TNIP3: variants seen among roughly 807,000 people sequenced by gnomAD.
TNIP3 encodes the protein TNFAIP3 interacting protein 3, also known as TNFAIP3-interacting protein 3.
A neutral mutation model predicts 54.1 loss-of-function variants in TNIP3; 34 were observed. The ratio of observed to expected loss-of-function variants is 0.63; its 90% CI spans 0.48 to 0.84. The LOEUF (loss-of-function observed/expected upper bound fraction) is 0.84, where lower values mean the gene tolerates loss of function less well. Among genes scored for constraint, TNIP3 ranks in the 40% least tolerant of loss-of-function variants. The pLI is 0.00. For synonymous variants in TNIP3, 134 were observed against 136.8 expected (o/e 0.98, Z 0.14); for missense variants, 366 against 387.6 (o/e 0.94, Z 0.47).
intron 4 of TNIP3, 51 bp from the exon 5 acceptor site, chr4:121,154,730 G>T: frequency 6.6e-7 from 1 of 1,517,606 alleles, no homozygotes; most frequent in Non-Finnish European, 8.8e-7. Context: ...AGTCAAATGA[G>T]ATGATATTGT....
chr4:121,147,725 A>C (rs2148802959), intron 6 of TNIP3, among the ~76,000 whole-genome samples: 1 of 152,348 alleles, frequency 6.6e-6, no homozygotes, highest in Non-Finnish European at 1.5e-5. Flanking sequence ...ATGAAAACAA[A>C]TGAAAGGTAA....
chr4:121,147,041 A>C lies in TNIP3; in HGVS notation c.735+8T>G. ...TGCTGGCAAAGATTATTTTGTTTTG[A>C]CTTGTACCTGGGAATTCAGCCTGTT... On this transcript the variant is annotated splice_region_variant and intron_variant, in intron 7 of 10. Transcript: ENST00000057513. 1 of 1,607,602 alleles carries C rather than the reference A, an allele frequency of 6.2e-7. No individual in the cohort carries two copies. The highest frequency in any genetic ancestry group is 8.5e-7 in the Non-Finnish European group (1 of 1,177,702).
chr4:121,147,629 C>A (rs1278122278), intron 6 of TNIP3, among the ~76,000 whole-genome samples: 1 of 152,076 alleles, frequency 6.6e-6, no homozygotes, highest in Non-Finnish European at 1.5e-5. Flanking sequence ...AGTGACTAAA[C>A]TAAAAACAAA....
At chr4:121,214,188 G>A (rs1173607984) in intron 2 of TNIP3, among the ~76,000 whole-genome samples, 1 of 152,094 alleles carries the variant, frequency 6.6e-6, no homozygotes, top group Non-Finnish European at 1.5e-5. Flanking sequence ...ACTTCCCTCA[G>A]ACAAAGACAT....
intron 3 of TNIP3, 75 bp from the exon 4 acceptor site, chr4:121,157,318 A>C: frequency 6.2e-7 from 1 of 1,600,446 alleles, no homozygotes; most frequent in East Asian, 2.2e-5. Context: ...TTCCCAGGCT[A>C]TGAACTTTGG....
At chr4:121,134,139 C>T (rs1260408004) in intron 10 of TNIP3, among the ~76,000 whole-genome samples, 5 of 152,138 alleles carry the variant, frequency 3.3e-5, no homozygotes, top group African/African-American at 1.2e-4. Flanking sequence ...AGGCTTTGAT[C>T]TTCTATATTG....
At chr4:121,154,106 C>T (rs1001394937) in intron 5 of TNIP3, 1 of 189,104 alleles carries the variant, frequency 5.3e-6, no homozygotes, top group African/African-American at 2.4e-5. Context: ...CTTGAGAGAG[C>T]TATCATCTCA....
chr4:121,225,618 G>A (rs149826216), intron 1 of TNIP3, among the ~76,000 whole-genome samples: 1 of 152,308 alleles, frequency 6.6e-6, no homozygotes, highest in East Asian at 1.9e-4. Flanking sequence ...TAACAAGAAA[G>A]CAGTGTTTAG....
At chr4:121,142,867 G>T in intron 7 of TNIP3, 91 bp from the exon 8 acceptor site, 1 of 1,084,072 alleles carries the variant, frequency 9.2e-7, no homozygotes, top group South Asian at 1.4e-5. Context: ...GTCAGGCATT[G>T]ACAGCAGTAA....
intron 2 of TNIP3, among the ~76,000 whole-genome samples, chr4:121,202,594 C>A (rs1012799690): frequency 6.6e-6 from 1 of 152,178 alleles, no homozygotes; most frequent in African/African-American, 2.4e-5. Context: ...TTTAATTAAA[C>A]TAAAAAGCTT....
exon 3 of TNIP3, chr4:121,182,743 G>C (rs1475672706): frequency 6.5e-7 from 1 of 1,534,104 alleles, no homozygotes; most frequent in Non-Finnish European, 8.7e-7. Context: ...ATGAGGAGAC[G>C]CATTTCTCTC....
intron 10 of TNIP3, chr4:121,137,907 T>C (rs905484871): frequency 1.1e-5 from 5 of 455,802 alleles, no homozygotes; most frequent in African/African-American, 1.0e-4. Flanking sequence ...TGATTATGTA[T>C]ACTTGATGAG....
chr4:121,146,956 T>C, intron 7 of TNIP3, 93 bp downstream of exon 7: 7 of 1,413,446 alleles, frequency 5.0e-6, no homozygotes, highest in Non-Finnish European at 2.8e-6. Context: ...AAAAATTCAA[T>C]GTCAATTAAC....
At chr4:121,225,381 T>C (rs894573321) in intron 1 of TNIP3, among the ~76,000 whole-genome samples, 1 of 152,232 alleles carries the variant, frequency 6.6e-6, no homozygotes, top group Non-Finnish European at 1.5e-5. Context: ...ATATAATTGA[T>C]TTTTTACTCA....
intron 2 of TNIP3, among the ~76,000 whole-genome samples, chr4:121,213,505 T>C (rs1280731721): frequency 2.6e-5 from 4 of 151,876 alleles, no homozygotes; most frequent in African/African-American, 9.7e-5. Context: ...GGCGGGTGGA[T>C]CATGAGGTCA....
rs918324261 is a variant in TNIP3, at chr4:121,150,944, T to C, written c.493-725A>G. 2.6e-5 allele frequency among the ~76,000 whole-genome samples: 4 copies of C among 152,284 alleles called. No individual in the cohort carries two copies. The South Asian group carries it at 8.3e-4, about 32-fold the overall frequency. On this transcript the variant is annotated intron_variant, in intron 5 of 10. Coordinates refer to ENST00000057513, the MANE Select transcript of TNIP3 (RefSeq NM_024873.6). ...CCAGTATAAGTTGATGCTTTTAGCA[T>C]GACATGAGGAGAGGAAAGAAAGAAG...
intron 10 of TNIP3, among the ~76,000 whole-genome samples, chr4:121,133,055 T>C (rs1185076398): frequency 6.6e-6 from 1 of 152,200 alleles, no homozygotes; most frequent in African/African-American, 2.4e-5. Context: ...TATATGGTAC[T>C]GGGTACATTA....
intron 2 of TNIP3, among the ~76,000 whole-genome samples, chr4:121,199,907 T>C (rs1028148593): frequency 1.3e-5 from 2 of 152,206 alleles, no homozygotes; most frequent in African/African-American, 4.8e-5. Flanking sequence ...GCCCATTCTC[T>C]ACTTGCCCAG....
At chr4:121,198,334 A>G (rs142331666) in intron 2 of TNIP3, among the ~76,000 whole-genome samples, 1 of 152,312 alleles carries the variant, frequency 6.6e-6, no homozygotes, top group East Asian at 1.9e-4. Flanking sequence ...AAAATAACCC[A>G]AAACATATGG....
Sources: allele counts gnomAD v4.1 joint callset (sites outside exome capture counted in the v4.1 genomes callset), GRCh38; gene constraint gnomAD v4.1.1; transcripts MANE v1.5; gene names NCBI Gene and HGNC (gene_info 2026-07-23, HGNC 2026-07-21).